Variants in NREP observed in about 807,000 individuals in gnomAD.
NREP encodes the protein neuronal regeneration related protein, also known as neuronal regeneration-related protein.
A neutral mutation model predicts 8.6 loss-of-function variants in NREP; 5 were observed. The observed-to-expected ratio is 0.58, with a 90% CI of 0.30 to 1.22. The LOEUF (loss-of-function observed/expected upper bound fraction) is 1.22. Among genes scored for constraint, NREP ranks in the 50% most tolerant of loss-of-function variants. The pLI, the probability that NREP is intolerant of heterozygous loss-of-function variation, is 0.07. For synonymous variants in NREP, 27 were observed against 28.0 expected (o/e 0.96, Z 0.11); for missense variants, 86 against 82.5 (o/e 1.04, Z -0.17).
chr5:111,808,066 G>T (rs1040344924), intron 2 of NREP, among the ~76,000 whole-genome samples: 4 of 152,102 alleles, frequency 2.6e-5, no homozygotes, highest in African/African-American at 9.7e-5. Context: ...AGTCTTTTGC[G>T]TCTGGTCACA....
chr5:111,835,425 A>G (rs1043763559), intron 2 of NREP, among the ~76,000 whole-genome samples: 2 of 152,118 alleles, frequency 1.3e-5, no homozygotes, highest in African/African-American at 2.4e-5. Context: ...CTACCAACAG[A>G]TAATTATTAT....
At chr5:111,911,253 T>C (rs1368602292) in intron 2 of NREP, among the ~76,000 whole-genome samples, 3 of 152,126 alleles carry the variant, frequency 2.0e-5, no homozygotes, top group Admixed American at 1.3e-4. Context: ...GTTCTGGATA[T>C]TACCAGTGCA....
At chr5:111,914,548 G>A (rs889871716) in intron 2 of NREP, among the ~76,000 whole-genome samples, 4 of 152,188 alleles carry the variant, frequency 2.6e-5, no homozygotes, top group East Asian at 1.9e-4. Context: ...GTAAGGTCCC[G>A]TTCCAGCCAG....
At chr5:111,736,914 C>G (rs1172636873) in intron 2 of NREP, among the ~76,000 whole-genome samples, 1 of 152,108 alleles carries the variant, frequency 6.6e-6, no homozygotes, top group Non-Finnish European at 1.5e-5. Context: ...CAGTTCCTTC[C>G]ACTATCCTGC....
At chr5:111,940,458 G>A (rs1241314741) in intron 2 of NREP, among the ~76,000 whole-genome samples, 1 of 152,036 alleles carries the variant, frequency 6.6e-6, no homozygotes, top group Non-Finnish European at 1.5e-5. Flanking sequence ...GTGTCTGTCT[G>A]TCTGCCATGT....
chr5:111,800,341 C>T (rs913385739), intron 2 of NREP, among the ~76,000 whole-genome samples: 8 of 152,214 alleles, frequency 5.3e-5, no homozygotes, highest in East Asian at 1.9e-4. Context: ...TGCTGTACAT[C>T]GGTGATTATT....
chr5:111,797,836 G>C (rs1232491181), intron 2 of NREP, among the ~76,000 whole-genome samples: 1 of 152,144 alleles, frequency 6.6e-6, no homozygotes, highest in Non-Finnish European at 1.5e-5. Flanking sequence ...AATAGCATGA[G>C]GTAGATTTTA....
At chr5:111,835,225 T>C (rs1022054636) in intron 2 of NREP, among the ~76,000 whole-genome samples, 1 of 152,162 alleles carries the variant, frequency 6.6e-6, no homozygotes, top group African/African-American at 2.4e-5. Flanking sequence ...ACTTGGACTA[T>C]CATAGGATTT....
intron 2 of NREP, among the ~76,000 whole-genome samples, chr5:111,836,655 G>A (rs1752902066): frequency 1.3e-5 from 2 of 152,002 alleles, no homozygotes; most frequent in Non-Finnish European, 2.9e-5. Context: ...CCCCAGAGAA[G>A]GGAGAGAGAG....
At chr5:111,904,870 A>C (rs1013291823) in intron 2 of NREP, among the ~76,000 whole-genome samples, 7 of 152,124 alleles carry the variant, frequency 4.6e-5, no homozygotes, top group Admixed American at 3.3e-4. Flanking sequence ...TTCACGAGAC[A>C]GTATCTGTCT....
chr5:111,814,888 G>A (rs1752349557), intron 2 of NREP, among the ~76,000 whole-genome samples: 1 of 150,836 alleles, frequency 6.6e-6, no homozygotes. Context: ...GGAGTAATAA[G>A]GAAGCGTTGA....
chr5:111,758,683 A>C (rs1363514716), upstream of NREP, among the ~76,000 whole-genome samples: 1 of 152,254 alleles, frequency 6.6e-6, no homozygotes, highest in African/African-American at 2.4e-5. Flanking sequence ...TGTAACAAAG[A>C]AAATAAGGCA....
intron 2 of NREP, among the ~76,000 whole-genome samples, chr5:111,844,758 A>C (rs977483733): frequency 2.7e-5 from 4 of 149,068 alleles, no homozygotes; most frequent in Non-Finnish European, 4.4e-5. Flanking sequence ...GTTACTTTTG[A>C]AATTTCTGCT....
intron 2 of NREP, among the ~76,000 whole-genome samples, chr5:111,902,218 A>C (rs1754664439): frequency 6.6e-5 from 10 of 152,180 alleles, no homozygotes; most frequent in Admixed American, 6.5e-4. Context: ...CTCTTAAATA[A>C]ATGGTGCTGG....
intron 2 of NREP, chr5:111,846,114 C>T (rs1753157060): frequency 6.5e-6 from 1 of 154,366 alleles, no homozygotes; most frequent in African/African-American, 2.4e-5. Context: ...GATTTTACCT[C>T]TTAAAAAATT....
At chr5:111,858,886 T>G (rs1753484866) in intron 2 of NREP, among the ~76,000 whole-genome samples, 1 of 151,598 alleles carries the variant, frequency 6.6e-6, no homozygotes, top group African/African-American at 2.4e-5. Context: ...ATTTCTATGG[T>G]TTAGTAATTA....
chr5:111,930,943 C>T (rs751038444), intron 2 of NREP, among the ~76,000 whole-genome samples: 1 of 152,106 alleles, frequency 6.6e-6, no homozygotes, highest in Non-Finnish European at 1.5e-5. Context: ...TGTGATGGTA[C>T]ATGATAGCTC....
At chr5:111,753,172 A>G (rs1290816529) in intron 2 of NREP, among the ~76,000 whole-genome samples, 1 of 151,742 alleles carries the variant, frequency 6.6e-6, no homozygotes, top group African/African-American at 2.4e-5. Flanking sequence ...AGCAAACTAT[A>G]CTCAAAACTG....
At chr5:111,912,523 T>G (rs1182200840) in intron 2 of NREP, 1 of 152,144 alleles carries the variant, frequency 6.6e-6, no homozygotes, top group African/African-American at 2.4e-5. Context: ...CTAAAGGATA[T>G]AGATTTCTCT....
Sources: gnomAD v4.1 joint callset for allele counts (sites outside exome capture counted in the v4.1 genomes callset) on GRCh38, gnomAD v4.1.1 for gene constraint, MANE v1.5 for transcripts, NCBI Gene and HGNC (gene_info 2026-07-23, HGNC 2026-07-21) for gene names.